Variants in CNTN6 observed in about 807,000 individuals in gnomAD.
CNTN6 encodes contactin-6.
Under a neutral mutation model 122.8 loss-of-function variants are expected in CNTN6, and 137 were observed. The observed-to-expected ratio is 1.12, with a 90% CI of 0.97 to 1.29. The LOEUF (loss-of-function observed/expected upper bound fraction) is 1.29, where lower values mean the gene tolerates loss of function less well. Ranked by LOEUF, CNTN6 falls within the 50% of genes most tolerant of loss-of-function variation. The pLI is 0.00. For missense variants in CNTN6, 1,634 were observed against 1,223.4 expected, an observed-to-expected ratio of 1.34 and a Z score of -5.01; for synonymous variants, 570 against 426.0, an observed-to-expected ratio of 1.34 and a Z score of -4.16.
At chr3:1,265,867 T>C (rs2094918187) in intron 4 of CNTN6, among the ~76,000 whole-genome samples, 1 of 150,658 alleles carries the variant, frequency 6.6e-6, no homozygotes, top group African/African-American at 2.4e-5. Context: ...GTCTGTACTA[T>C]GTTTTATTTT....
intron 16 of CNTN6, among the ~76,000 whole-genome samples, chr3:1,374,863 T>G (rs181377943): frequency 6.6e-6 from 1 of 152,234 alleles, no homozygotes; most frequent in Non-Finnish European, 1.5e-5. Flanking sequence ...TAATGTTATA[T>G]GTTTATCATA....
chr3:1,102,081 G>C (rs1267104363), intron 1 of CNTN6, among the ~76,000 whole-genome samples: 1 of 152,156 alleles, frequency 6.6e-6, no homozygotes, highest in Non-Finnish European at 1.5e-5. Context: ...ATTTGGTGAA[G>C]TTTCTAGTAA....
chr3:1,194,133 G>A (rs1354853241), intron 2 of CNTN6, among the ~76,000 whole-genome samples: 2 of 152,032 alleles, frequency 1.3e-5, no homozygotes, highest in South Asian at 2.1e-4. Flanking sequence ...AGAAGAAAAA[G>A]CAACAATTAA....
chr3:1,212,878 C>G (rs1319223494), intron 2 of CNTN6, among the ~76,000 whole-genome samples: 1 of 151,920 alleles, frequency 6.6e-6, no homozygotes, highest in Non-Finnish European at 1.5e-5. Context: ...TGAAACTAGA[C>G]TTTTTACTTA....
chr3:1,401,598 A>G, intron 21 of CNTN6, 53 bp downstream of exon 21: 1 of 1,215,028 alleles, frequency 8.2e-7, no homozygotes, highest in African/African-American at 1.5e-5. Flanking sequence ...TAAGGAATGA[A>G]ACATGTGACA....
At chr3:1,397,470 T>C (rs994942548) in intron 20 of CNTN6, among the ~76,000 whole-genome samples, 2 of 152,076 alleles carry the variant, frequency 1.3e-5, no homozygotes, top group African/African-American at 4.8e-5. Context: ...CAAATATCAG[T>C]GATTCATCTG....
intron 12 of CNTN6, among the ~76,000 whole-genome samples, chr3:1,366,175 C>T (rs1708188375): frequency 1.3e-5 from 2 of 152,164 alleles, no homozygotes; most frequent in African/African-American, 4.8e-5. Context: ...ACCACTAGAT[C>T]AGACTTCCTA....
intron 7 of CNTN6, among the ~76,000 whole-genome samples, chr3:1,303,894 T>G (rs1697874121): frequency 6.6e-6 from 1 of 152,184 alleles, no homozygotes; most frequent in African/African-American, 2.4e-5. Context: ...AATCCCCAAC[T>G]GAATGCTTCA....
chr3:1,297,068 A>G (rs1205641394), intron 6 of CNTN6, among the ~76,000 whole-genome samples: 1 of 152,162 alleles, frequency 6.6e-6, no homozygotes, highest in Non-Finnish European at 1.5e-5. Flanking sequence ...ACTTAGTTGA[A>G]TGAAGTAGTA....
At chr3:1,318,663 A>T (rs1307604518) in intron 7 of CNTN6, among the ~76,000 whole-genome samples, 1 of 151,796 alleles carries the variant, frequency 6.6e-6, no homozygotes, top group East Asian at 1.9e-4. Context: ...TCAATCCTAT[A>T]GCTCTGGAGA....
At chr3:1,358,849 T>C (rs1334138700) in intron 12 of CNTN6, among the ~76,000 whole-genome samples, 2 of 151,962 alleles carry the variant, frequency 1.3e-5, no homozygotes, top group Non-Finnish European at 2.9e-5. Flanking sequence ...GGTGGGAGGA[T>C]TGCTTGAGAC....
chr3:1,261,012 T>C (rs1339019616), intron 4 of CNTN6, among the ~76,000 whole-genome samples: 1 of 152,194 alleles, frequency 6.6e-6, no homozygotes, highest in Non-Finnish European at 1.5e-5. Flanking sequence ...TCAAACTTAA[T>C]GTGAAGTATC....
intron 12 of CNTN6, among the ~76,000 whole-genome samples, chr3:1,354,452 C>A (rs1706217021): frequency 6.6e-6 from 1 of 150,912 alleles, no homozygotes; most frequent in Non-Finnish European, 1.5e-5. Context: ...CAAAATTATC[C>A]CACTAGGCAT....
chr3:1,238,289 ATTC>A (rs1559574069), intron 4 of CNTN6, among the ~76,000 whole-genome samples: 1 of 152,204 alleles, frequency 6.6e-6, no homozygotes, highest in Non-Finnish European at 1.5e-5. Flanking sequence ...AGGAGTAGCT[ATTC>A]TTCTATCAGA....
chr3:1,213,058 G>C (rs2094069625), intron 2 of CNTN6, among the ~76,000 whole-genome samples: 1 of 152,056 alleles, frequency 6.6e-6, no homozygotes, highest in Non-Finnish European at 1.5e-5. Context: ...TATCAAATGG[G>C]AACAGAAATG....
At chr3:1,351,429 G>C (rs2036685) in intron 11 of CNTN6, among the ~76,000 whole-genome samples, 12 of 151,638 alleles carry the variant, frequency 7.9e-5, no homozygotes, top group African/African-American at 2.9e-4. Flanking sequence ...TAAAAGGTTG[G>C]TAACTACATT....
rs1336083605 is a variant in CNTN6, at chr3:1,311,384, T to TTATATATACA, written c.762-10261_762-10260insATACATATAT. On this transcript the variant is annotated intron_variant, in intron 7 of 22. Transcript: ENST00000446702. ...ACATATATGTACATATAAAATGTCT[T>TTATATATACA]TATATGTACATATATGTACATATAA... is the stretch of plus-strand genomic sequence containing the variant. Among the ~76,000 whole-genome samples the TTATATATACA allele has an allele frequency of 7.2e-4, 81 of 112,118 alleles. 2 individuals are homozygous for TTATATATACA. The highest frequency in any genetic ancestry group is 2.8e-3 in the African/African-American group (79 of 28,126). 73.6% of individuals were successfully genotyped at this position (112,118 alleles called of 152,430 possible). A position where few individuals can be genotyped will look rare whatever the true frequency, so the allele number is the denominator to read the frequency against.
chr3:1,210,395 G>A (rs796990758), intron 2 of CNTN6, among the ~76,000 whole-genome samples: 3 of 120,780 alleles, frequency 2.5e-5, no homozygotes, highest in African/African-American at 1.0e-4. Context: ...GAAGTGAAGG[G>A]AAGGGAAGGA....
rs1372540737 is a variant in CNTN6, at chr3:1,191,429, TGAGGTTTG to T, written c.56-29255_56-29248del. Among the ~76,000 whole-genome samples, 4 of 152,178 alleles carry T rather than the reference TGAGGTTTG, an allele frequency of 2.6e-5. No homozygotes were observed. In the East Asian group the frequency reaches 7.7e-4, roughly 29 times the overall value. ...AGCCTCAACACCAGTCCCTAGCCTA[TGAGGTTTG>T]GAAAGTTTCTGGGTTACAAATGCAT... is the stretch of plus-strand genomic sequence containing the variant. On this transcript the variant is annotated intron_variant, in intron 2 of 22. Transcript: ENST00000446702.
Sources: gnomAD v4.1 joint callset for allele counts (sites outside exome capture counted in the v4.1 genomes callset) on GRCh38, gnomAD v4.1.1 for gene constraint, MANE v1.5 for transcripts, NCBI Gene and HGNC (gene_info 2026-07-23, HGNC 2026-07-21) for gene names.